RALYL: variants seen among roughly 807,000 people sequenced by gnomAD.
RALYL encodes RALY RNA binding protein like.
In RALYL, 29 loss-of-function variants were observed where a neutral mutation model predicts 35.1. The observed-to-expected ratio is 0.83, with a 90% CI of 0.61 to 1.13. The LOEUF is 1.13. Ranked by LOEUF, RALYL falls within the 50% of genes most tolerant of loss-of-function variation. The pLI, the probability that RALYL is intolerant of heterozygous loss-of-function variation, is 0.00. For missense variants in RALYL, 359 were observed against 360.4 expected, an observed-to-expected ratio of 1.00 and a Z score of 0.03; for synonymous variants, 120 against 127.6, an observed-to-expected ratio of 0.94 and a Z score of 0.40.
chr8:84,359,324 T>C (rs903268623), intron 1 of RALYL, among the ~76,000 whole-genome samples: 2 of 151,944 alleles, frequency 1.3e-5, no homozygotes, highest in Admixed American at 6.6e-5. Flanking sequence ...CATAAACCAC[T>C]TTTGTTAAGT....
chr8:84,838,614 G>A (rs1033758650), intron 4 of RALYL, among the ~76,000 whole-genome samples: 2 of 152,150 alleles, frequency 1.3e-5, no homozygotes, highest in African/African-American at 4.8e-5. Context: ...ATGATGGCAG[G>A]CAGTGGAACC....
At chr8:84,869,869 C>T (rs907263416) in intron 6 of RALYL, among the ~76,000 whole-genome samples, 2 of 152,072 alleles carry the variant, frequency 1.3e-5, no homozygotes, top group African/African-American at 4.8e-5. Context: ...TCCCGTGTGC[C>T]TAATATTCTT....
intron 1 of RALYL, among the ~76,000 whole-genome samples, chr8:84,211,541 G>A (rs1379476327): frequency 6.6e-6 from 1 of 152,132 alleles, no homozygotes; most frequent in Non-Finnish European, 1.5e-5. Flanking sequence ...AGATTACAAT[G>A]TCAATGATTA....
chr8:84,756,698 T>A (rs1453144145), intron 2 of RALYL, among the ~76,000 whole-genome samples: 1 of 152,138 alleles, frequency 6.6e-6, no homozygotes, highest in East Asian at 1.9e-4. Flanking sequence ...ATATTCATAT[T>A]GCTGATTATG....
chr8:84,880,970 T>TA (rs1842083528), intron 7 of RALYL, among the ~76,000 whole-genome samples: 1 of 151,968 alleles, frequency 6.6e-6, no homozygotes, highest in Non-Finnish European at 1.5e-5. Flanking sequence ...ACCTATTAAA[T>TA]GGTTTTATAA....
intron 2 of RALYL, among the ~76,000 whole-genome samples, chr8:84,615,729 A>G (rs1463867459): frequency 4.9e-4 from 62 of 126,024 alleles, no homozygotes; most frequent in Middle Eastern, 3.8e-3. Flanking sequence ...ATATCTCCCA[A>G]TGCTGTCCCT....
At chr8:84,570,843 T>A (rs1588248213) in intron 2 of RALYL, among the ~76,000 whole-genome samples, 1 of 151,906 alleles carries the variant, frequency 6.6e-6, no homozygotes, top group South Asian at 2.1e-4. Flanking sequence ...ATTGAGATGA[T>A]TATATATATA....
chr8:84,547,199 A>AT (rs201785366), intron 2 of RALYL, among the ~76,000 whole-genome samples: 3,185 of 151,510 alleles, frequency 0.021, 42 homozygotes, highest in Non-Finnish European at 0.028. Context: ...ATTTTTAAAC[A>AT]TTTTTTTCCA....
chr8:84,592,980 C>T (rs1813629152), intron 2 of RALYL, among the ~76,000 whole-genome samples: 1 of 152,112 alleles, frequency 6.6e-6, no homozygotes, highest in Admixed American at 6.6e-5. Flanking sequence ...AATATACTGA[C>T]TGCACTGGTG....
chr8:84,888,438 T>A (rs915569330), intron 8 of RALYL, among the ~76,000 whole-genome samples: 1 of 152,214 alleles, frequency 6.6e-6, no homozygotes, highest in Non-Finnish European at 1.5e-5. Context: ...TTATTTCTCA[T>A]ATTTTATCAA....
chr8:84,647,134 A>G (rs1474757525), intron 2 of RALYL, among the ~76,000 whole-genome samples: 1 of 152,048 alleles, frequency 6.6e-6, no homozygotes, highest in Non-Finnish European at 1.5e-5. Flanking sequence ...CTTGTTCTCC[A>G]AGCCTATAGG....
chr8:84,848,923 G>A (rs1441942982), intron 4 of RALYL, among the ~76,000 whole-genome samples: 7 of 152,160 alleles, frequency 4.6e-5, no homozygotes, highest in East Asian at 3.9e-4. Context: ...GGAGTGTTGC[G>A]AGATGTTGTC....
At chr8:84,262,729 A>C (rs1832549378) in intron 1 of RALYL, among the ~76,000 whole-genome samples, 1 of 152,172 alleles carries the variant, frequency 6.6e-6, no homozygotes, top group Non-Finnish European at 1.5e-5. Context: ...TCATGAAATC[A>C]ACTTTGTTGG....
intron 2 of RALYL, among the ~76,000 whole-genome samples, chr8:84,633,077 T>C (rs1466024165): frequency 6.6e-6 from 1 of 151,106 alleles, no homozygotes; most frequent in Non-Finnish European, 1.5e-5. Context: ...GATACAGATT[T>C]ACCATAAACT....
At chr8:84,768,389 A>T (rs1814614430) in intron 2 of RALYL, among the ~76,000 whole-genome samples, 1 of 152,186 alleles carries the variant, frequency 6.6e-6, no homozygotes, top group Admixed American at 6.6e-5. Context: ...GGCAAAGCTT[A>T]TGTTCACTAT....
At chr8:84,661,764 C>T (rs985863232) in intron 2 of RALYL, among the ~76,000 whole-genome samples, 9 of 151,960 alleles carry the variant, frequency 5.9e-5, no homozygotes, top group Non-Finnish European at 1.0e-4. Flanking sequence ...TCTTTCATTA[C>T]ATATATTTTT....
At chr8:84,298,668 T>A (rs1399600040) in intron 1 of RALYL, among the ~76,000 whole-genome samples, 1 of 152,182 alleles carries the variant, frequency 6.6e-6, no homozygotes, top group East Asian at 1.9e-4. Context: ...TTTAGCAGTA[T>A]TGATTCTTTC....
chr8:84,250,992 C>G (rs1830086666), intron 1 of RALYL, among the ~76,000 whole-genome samples: 1 of 152,024 alleles, frequency 6.6e-6, no homozygotes, highest in Admixed American at 6.6e-5. Context: ...GTTCCCAATT[C>G]TTCAATATTA....
At chr8:84,401,733 G>A (rs368315482) in intron 1 of RALYL, among the ~76,000 whole-genome samples, 8 of 146,416 alleles carry the variant, frequency 5.5e-5, no homozygotes, top group African/African-American at 2.0e-4. Flanking sequence ...GTACATCAGA[G>A]AATATTCTTA....
Sources: gnomAD v4.1 joint callset for allele counts (sites outside exome capture counted in the v4.1 genomes callset) on GRCh38, gnomAD v4.1.1 for gene constraint, MANE v1.5 for transcripts, NCBI Gene and HGNC (gene_info 2026-07-23, HGNC 2026-07-21) for gene names.